LDAH: variants seen among roughly 807,000 people sequenced by gnomAD.
LDAH encodes the protein lipid droplet-associated hydrolase.
Under a neutral mutation model 29.6 loss-of-function variants are expected in LDAH, and 26 were observed. That is an observed-to-expected ratio of 0.88 (90% confidence interval 0.64 to 1.22). LDAH has a LOEUF of 1.22. Among genes scored for constraint, LDAH ranks in the 50% most tolerant of loss-of-function variants. The pLI is 0.00. For missense variants in LDAH, 344 were observed against 387.3 expected (o/e 0.89, Z 0.94); for synonymous variants, 117 against 133.0 (o/e 0.88, Z 0.83).
chr2:20,761,398 T>C (rs935557513), intron 4 of LDAH, among the ~76,000 whole-genome samples: 3 of 151,474 alleles, frequency 2.0e-5, no homozygotes, highest in African/African-American at 7.3e-5. Flanking sequence ...AAAAAAAAAT[T>C]ACACTTAAGC....
intron 4 of LDAH, among the ~76,000 whole-genome samples, chr2:20,746,660 T>G (rs1344521604): frequency 6.6e-6 from 1 of 152,002 alleles, no homozygotes; most frequent in African/African-American, 2.4e-5. Context: ...GTAATAAAAA[T>G]TTTTCATTCT....
chr2:20,690,847 C>T (rs1178005016), intron 6 of LDAH, among the ~76,000 whole-genome samples: 3 of 151,966 alleles, frequency 2.0e-5, no homozygotes, highest in Non-Finnish European at 4.4e-5. Context: ...AATGGCCAGG[C>T]TCTGTGCTAA....
chr2:20,747,526 A>G (rs368548005), intron 4 of LDAH, among the ~76,000 whole-genome samples: 72 of 152,298 alleles, frequency 4.7e-4, no homozygotes, highest in African/African-American at 1.7e-3. Context: ...TAGGTCTAGA[A>G]GTAATCCTAG....
In LDAH at chr2:20,790,281, T is replaced by A. The variant is rs144531740; in HGVS notation, c.272A>T (p.Asp91Val). The change falls in exon 3 of 7, where the codon GAC becomes GTC. Residue 91 changes from aspartate (D) to valine (V), a missense_variant. By Grantham distance (152) the Asp-to-Val change is radical. Coordinates refer to ENST00000237822, the MANE Select transcript of LDAH (RefSeq NM_021925.4). Reference sequence around the variant, plus strand: ...CTCTGATGTTGTAAGAATCTTCTTGTCTTTGGGAGCCAACGCATGCCCAGC... The same window carrying A: ...CTCTGATGTTGTAAGAATCTTCTTGACTTTGGGAGCCAACGCATGCCCAGC... Reference protein sequence around the residue: ...SHAGHALAPKDKKILTTSEDS... With the variant: ...SHAGHALAPKVKKILTTSEDS... The A allele has an allele frequency of 8.4e-5, 135 of 1,614,196 alleles. 1 individual carries two copies. The highest frequency in any genetic ancestry group is 7.4e-4 in the East Asian group (33 of 44,884).
intron 5 of LDAH, among the ~76,000 whole-genome samples, chr2:20,736,015 G>C (rs557337032): frequency 6.6e-6 from 1 of 152,312 alleles, no homozygotes; most frequent in South Asian, 2.1e-4. Flanking sequence ...CAGTACCGTA[G>C]AGCAGGGAAA....
chr2:20,716,212 C>T (rs575507978), intron 5 of LDAH, among the ~76,000 whole-genome samples: 56 of 152,226 alleles, frequency 3.7e-4, no homozygotes, highest in African/African-American at 1.2e-3. Flanking sequence ...TTTGATCCAG[C>T]GATCCCATTA....
chr2:20,683,591 T>C (rs1662373842), downstream of LDAH, among the ~76,000 whole-genome samples: 1 of 152,236 alleles, frequency 6.6e-6, no homozygotes, highest in Admixed American at 6.5e-5. Flanking sequence ...CTGAATGGGC[T>C]GAGGCCAGAA....
chr2:20,714,759 C>T (rs1328230175), intron 5 of LDAH, among the ~76,000 whole-genome samples: 5 of 152,124 alleles, frequency 3.3e-5, no homozygotes, highest in Non-Finnish European at 5.9e-5. Flanking sequence ...AACACTTCTA[C>T]GCAAATAAAC....
At chr2:20,688,671 C>A (rs965636008) in intron 6 of LDAH, among the ~76,000 whole-genome samples, 1 of 151,948 alleles carries the variant, frequency 6.6e-6, no homozygotes, top group South Asian at 2.1e-4. Context: ...AAAACAATGG[C>A]CTTCATTACA....
At chr2:20,728,307 A>G (rs1666155398) in intron 5 of LDAH, among the ~76,000 whole-genome samples, 1 of 152,170 alleles carries the variant, frequency 6.6e-6, no homozygotes, top group Non-Finnish European at 1.5e-5. Flanking sequence ...AGCCACAGAG[A>G]AACAGGTCTG....
chr2:20,725,458 T>G (rs1665946342), intron 5 of LDAH, among the ~76,000 whole-genome samples: 1 of 152,228 alleles, frequency 6.6e-6, no homozygotes, highest in African/African-American at 2.4e-5. Context: ...GAAGGCATTC[T>G]GCAGGAACAT....
At chr2:20,751,234 G>A (rs574120666) in intron 4 of LDAH, among the ~76,000 whole-genome samples, 1 of 152,200 alleles carries the variant, frequency 6.6e-6, no homozygotes, top group Non-Finnish European at 1.5e-5. Flanking sequence ...AAGGTAAAAA[G>A]CATATCTTTT....
intron 4 of LDAH, among the ~76,000 whole-genome samples, chr2:20,742,782 TTTTC>T (rs1209862416): frequency 1.4e-5 from 2 of 144,244 alleles, no homozygotes; most frequent in African/African-American, 2.5e-5. Context: ...TTTCTTTTTC[TTTTC>T]TTTTTCCTTT....
At chr2:20,743,237 T>C (rs1667320690) in intron 4 of LDAH, among the ~76,000 whole-genome samples, 1 of 151,470 alleles carries the variant, frequency 6.6e-6, no homozygotes, top group East Asian at 1.9e-4. Context: ...ATGTCAGTTA[T>C]ACTTAAAAAA....
At chr2:20,763,014 C>T (rs1305190696) in intron 4 of LDAH, among the ~76,000 whole-genome samples, 83 of 152,182 alleles carry the variant, frequency 5.5e-4, no homozygotes, top group Non-Finnish European at 2.9e-5. Flanking sequence ...CATCTGATAC[C>T]ATCTTAGAAC....
At position 20,686,749 on chromosome 2, in the gene LDAH, TA is replaced by T. The variant is rs1662586908; in HGVS notation, c.*153del. The T allele has an allele frequency of 1.5e-6, 1 of 652,254 alleles. No homozygotes were observed. Among genetic ancestry groups the T allele is most frequent in the African/African-American group, 1.8e-5 (1 of 54,534 alleles). 40.4% of individuals were successfully genotyped at this position (652,254 alleles called of 1,614,324 possible). A position where few individuals can be genotyped will look rare whatever the true frequency, so the allele number is the denominator to read the frequency against. ...TTCATCAACTGTGTTTACTTCAGCCTATAACATGGCGAGCGGAGAGTTGGTT... is the reference window on the plus strand; with the variant it reads ...TTCATCAACTGTGTTTACTTCAGCCTTAACATGGCGAGCGGAGAGTTGGTT... On this transcript the variant is annotated 3_prime_UTR_variant, in exon 7 of 7. Coordinates refer to ENST00000237822, the MANE Select transcript of LDAH (RefSeq NM_021925.4).
At chr2:20,813,235 A>G (rs114983691) in intron 1 of LDAH, among the ~76,000 whole-genome samples, 5,653 of 152,240 alleles carry the variant, frequency 0.037, 132 homozygotes, top group Middle Eastern at 0.051. Flanking sequence ...TCCCAAACCC[A>G]TGTTATTAAC....
At chr2:20,750,063 T>C (rs1247832644) in intron 4 of LDAH, among the ~76,000 whole-genome samples, 1 of 149,568 alleles carries the variant, frequency 6.7e-6, no homozygotes, top group East Asian at 2.0e-4. Flanking sequence ...TCTCATTCTG[T>C]CGCCCAGACT....
At chr2:20,732,723 G>C (rs1666497169) in intron 5 of LDAH, among the ~76,000 whole-genome samples, 1 of 152,024 alleles carries the variant, frequency 6.6e-6, no homozygotes, top group Non-Finnish European at 1.5e-5. Context: ...CAGGCTCTAT[G>C]GTGATATTTT....
Sources: allele counts gnomAD v4.1 joint callset (sites outside exome capture counted in the v4.1 genomes callset), GRCh38; gene constraint gnomAD v4.1.1; transcripts MANE v1.5; gene names NCBI Gene and HGNC (gene_info 2026-07-23, HGNC 2026-07-21).